ATOSA: variants seen among roughly 807,000 people sequenced by gnomAD.
The protein encoded by ATOSA is atos homolog protein A.
At chr15:52,605,351 T>C in the ATOSA span, 9 of 747,150 alleles carry the variant, frequency 1.2e-5, no homozygotes, top group African/African-American at 1.5e-4. Flanking sequence ...TTCTGAGGTA[T>C]TGCTGGTGAA....
chr15:52,620,950 A>T, the ATOSA span, among the ~76,000 whole-genome samples: 1 of 152,206 alleles, frequency 6.6e-6, no homozygotes, highest in Admixed American at 6.5e-5. Context: ...AAAATAAAAT[A>T]AAAATAAAAA....
chr15:52,681,397 A>C, the ATOSA span, among the ~76,000 whole-genome samples: 1 of 152,218 alleles, frequency 6.6e-6, no homozygotes, highest in Non-Finnish European at 1.5e-5. Context: ...GTACTATTAC[A>C]GTTACATGGC....
At chr15:52,704,634 T>C in the ATOSA span, among the ~76,000 whole-genome samples, 6 of 152,036 alleles carry the variant, frequency 3.9e-5, no homozygotes, top group East Asian at 1.2e-3. Flanking sequence ...ATCCAGAATC[T>C]ACAAAGAACT....
At chr15:52,665,389 T>C in the ATOSA span, among the ~76,000 whole-genome samples, 2 of 152,208 alleles carry the variant, frequency 1.3e-5, no homozygotes, top group African/African-American at 2.4e-5. Context: ...ACAAATCAGA[T>C]AGTAATTAGT....
chr15:52,634,884 G>A, the ATOSA span, among the ~76,000 whole-genome samples: 1 of 152,204 alleles, frequency 6.6e-6, no homozygotes. Flanking sequence ...TTACAGGTGT[G>A]AGCCATGGTG....
At chr15:52,696,750 A>T in the ATOSA span, among the ~76,000 whole-genome samples, 1 of 152,072 alleles carries the variant, frequency 6.6e-6, no homozygotes, top group Non-Finnish European at 1.5e-5. Context: ...GATTTTTTTA[A>T]ATGTGCTAAT....
chr15:52,666,097 T>G, the ATOSA span, among the ~76,000 whole-genome samples: 1 of 152,188 alleles, frequency 6.6e-6, no homozygotes, highest in Non-Finnish European at 1.5e-5. Context: ...ATTGGGTATT[T>G]TCTCCTTTTC....
chr15:52,613,881 G>T, the ATOSA span: 3 of 1,600,994 alleles, frequency 1.9e-6, no homozygotes, highest in South Asian at 1.1e-5. Context: ...GGGGCAAAGG[G>T]TCCTCAATTT....
At chr15:52,585,461 T>A in the ATOSA span, 22 of 152,238 alleles carry the variant, frequency 1.4e-4, no homozygotes, top group African/African-American at 5.3e-4. Flanking sequence ...ATGATTATTA[T>A]AAAATTTAAA....
At chr15:52,700,362 C>T in the ATOSA span, among the ~76,000 whole-genome samples, 2 of 152,130 alleles carry the variant, frequency 1.3e-5, no homozygotes, top group East Asian at 3.9e-4. Context: ...TGTAGGAGTT[C>T]AAAACTAGTA....
At chr15:52,676,252 TA>T in the ATOSA span, among the ~76,000 whole-genome samples, 24 of 148,240 alleles carry the variant, frequency 1.6e-4, no homozygotes, top group Admixed American at 2.0e-4. Context: ...CAATGTAGTT[TA>T]AAAAAAAAAA....
the ATOSA span, among the ~76,000 whole-genome samples, chr15:52,625,976 T>C: frequency 6.6e-6 from 1 of 152,216 alleles, no homozygotes; most frequent in Non-Finnish European, 1.5e-5. Flanking sequence ...TAAATGGGGA[T>C]AATAGTATCA....
the ATOSA span, among the ~76,000 whole-genome samples, chr15:52,607,765 A>T: frequency 6.6e-6 from 1 of 152,236 alleles, no homozygotes; most frequent in Non-Finnish European, 1.5e-5. Flanking sequence ...CGTTATATAC[A>T]AGCAATATAC....
the ATOSA span, among the ~76,000 whole-genome samples, chr15:52,652,942 G>A: frequency 1.3e-5 from 2 of 152,130 alleles, no homozygotes; most frequent in Non-Finnish European, 1.5e-5. Context: ...AATCAATGAA[G>A]GTAGTAGGGG....
chr15:52,606,750 A>G, the ATOSA span, among the ~76,000 whole-genome samples: 14 of 152,332 alleles, frequency 9.2e-5, no homozygotes, highest in East Asian at 2.7e-3. Flanking sequence ...CCATTTGATT[A>G]AACCCCATGT....
chr15:52,582,346 G>A, the ATOSA span: 3 of 1,492,216 alleles, frequency 2.0e-6, no homozygotes, highest in South Asian at 1.3e-5. Context: ...TTCAGAGAAC[G>A]AGTCTTTAAA....
the ATOSA span, among the ~76,000 whole-genome samples, chr15:52,693,624 C>G: frequency 3.3e-5 from 5 of 151,988 alleles, no homozygotes; most frequent in Admixed American, 3.3e-4. Context: ...AATTAAAGAC[C>G]TGTGAAAAAT....
the ATOSA span, chr15:52,611,135 G>C: frequency 6.2e-7 from 1 of 1,613,234 alleles, no homozygotes. Flanking sequence ...CATACCTGTA[G>C]AGAATATTTC....
chr15:52,690,876 G>A, the ATOSA span, among the ~76,000 whole-genome samples: 3 of 152,178 alleles, frequency 2.0e-5, no homozygotes, highest in Non-Finnish European at 4.4e-5. Context: ...ACTAGATGAA[G>A]AAAAATGGAG....
Sources: allele counts gnomAD v4.1 joint callset (sites outside exome capture counted in the v4.1 genomes callset), GRCh38; gene constraint gnomAD v4.1.1; transcripts MANE v1.5; gene names NCBI Gene and HGNC (gene_info 2026-07-23, HGNC 2026-07-21).